Variants in MALRD1 observed in about 807,000 individuals in gnomAD.
MALRD1 encodes the protein MAM and LDL-receptor class A domain-containing protein 1.
MALRD1 carries 247 observed loss-of-function variants against 242.1 expected under a neutral mutation model. The observed-to-expected ratio is 1.02, with a 90% confidence interval of 0.92 to 1.13. MALRD1 has a LOEUF of 1.13. MALRD1 is among the 50% of genes most tolerant of loss of function. The pLI is 0.00. For missense variants in MALRD1, 2,989 were observed against 2,533.1 expected (o/e 1.18, Z -3.86); for synonymous variants, 995 against 866.6 (o/e 1.15, Z -2.60).
intron 5 of MALRD1, among the ~76,000 whole-genome samples, chr10:19,116,017 A>G (rs1396157591): frequency 6.6e-6 from 1 of 152,218 alleles, no homozygotes; most frequent in Non-Finnish European, 1.5e-5. Context: ...TGTTTAGCCT[A>G]TTTCCAGATT....
At chr10:19,373,695 A>G (rs900752436) in intron 26 of MALRD1, among the ~76,000 whole-genome samples, 1 of 152,204 alleles carries the variant, frequency 6.6e-6, no homozygotes, top group Non-Finnish European at 1.5e-5. Context: ...TATATGTGCT[A>G]TTCTTCACTT....
In MALRD1 at chr10:19,063,752, A is replaced by G. The variant is rs1338575336; in HGVS notation, c.200-2967A>G. 8.3e-4 allele frequency among the ~76,000 whole-genome samples: 111 copies of G among 133,020 alleles called. 2 individuals are homozygous for G. The highest frequency in any genetic ancestry group is 7.8e-5 in the Non-Finnish European group (5 of 64,044). 87.3% of individuals were successfully genotyped at this position (133,020 alleles called of 152,430 possible). The stretch of plus-strand genomic sequence containing the variant: ...GGTGGGAATTGAAGAATGAGAACAC[A>G]TGGACACAGGAAGGGGAACATCACA... On this transcript the variant is annotated intron_variant, in intron 1 of 39. Transcript: ENST00000454679.
intron 34 of MALRD1, among the ~76,000 whole-genome samples, chr10:19,596,111 G>A (rs956983985): frequency 3.3e-5 from 5 of 152,104 alleles, no homozygotes; most frequent in African/African-American, 1.2e-4. Context: ...TTGAGCAAAT[G>A]CATGTAAAAT....
At chr10:19,599,612 G>T (rs1461443108) in intron 34 of MALRD1, among the ~76,000 whole-genome samples, 1 of 152,124 alleles carries the variant, frequency 6.6e-6, no homozygotes, top group Non-Finnish European at 1.5e-5. Context: ...ATCCTGGCAA[G>T]AAATAGTTAT....
intron 28 of MALRD1, among the ~76,000 whole-genome samples, chr10:19,415,888 G>A (rs552067846): frequency 3.9e-5 from 6 of 152,272 alleles, no homozygotes; most frequent in Admixed American, 1.3e-4. Context: ...GTTCACACGT[G>A]AATTCCAAAT....
intron 33 of MALRD1, among the ~76,000 whole-genome samples, chr10:19,584,045 T>G (rs36143573): frequency 0.56 from 82,298 of 148,090 alleles, 23,409 homozygotes; most frequent in African/African-American, 0.69. Flanking sequence ...ATGGTAGTTT[T>G]TATATCTGTG....
intron 14 of MALRD1, among the ~76,000 whole-genome samples, chr10:19,177,196 C>T (rs1835296798): frequency 6.7e-6 from 1 of 150,076 alleles, no homozygotes; most frequent in Non-Finnish European, 1.5e-5. Flanking sequence ...AGGAGAATGG[C>T]GTGAACCGAA....
chr10:19,512,475 A>G (rs1214163034), intron 31 of MALRD1, among the ~76,000 whole-genome samples: 1 of 152,186 alleles, frequency 6.6e-6, no homozygotes, highest in Non-Finnish European at 1.5e-5. Flanking sequence ...ATCTTATTTA[A>G]CTGTTTGATG....
At chr10:19,202,638 C>T (rs1057134978) in intron 14 of MALRD1, among the ~76,000 whole-genome samples, 10 of 151,928 alleles carry the variant, frequency 6.6e-5, no homozygotes, top group Admixed American at 2.0e-4. Flanking sequence ...TGTGTCTATG[C>T]GTTTTATTGC....
intron 38 of MALRD1, among the ~76,000 whole-genome samples, chr10:19,706,525 A>G (rs1008610823): frequency 2.6e-5 from 4 of 151,760 alleles, no homozygotes; most frequent in African/African-American, 9.7e-5. Context: ...TAATTTTTGT[A>G]TTTTTAGTAG....
chr10:19,714,567 C>G (rs978145198), intron 38 of MALRD1, among the ~76,000 whole-genome samples: 1 of 152,284 alleles, frequency 6.6e-6, no homozygotes, highest in South Asian at 2.1e-4. Context: ...TGCTTGTCCT[C>G]ACCTACGTCC....
At chr10:19,600,697 C>G (rs978618491) in intron 34 of MALRD1, among the ~76,000 whole-genome samples, 1 of 152,066 alleles carries the variant, frequency 6.6e-6, no homozygotes, top group Non-Finnish European at 1.5e-5. Flanking sequence ...TTCCATGCAG[C>G]AACGATAATC....
rs1466047544 is a variant in MALRD1, at chr10:19,595,213, A to G, written c.5700A>G (p.Pro1900=). 1.3e-6 allele frequency: 2 copies of G among 1,550,158 alleles called. No homozygotes were observed. Among genetic ancestry groups the G allele is most frequent in the Admixed American group, 2.0e-5 (1 of 51,004 alleles). The change falls in exon 34 of 40, where the codon CCA becomes CCG. Residue 1900 remains proline, a synonymous_variant. Coordinates refer to ENST00000454679, the MANE Select transcript of MALRD1 (RefSeq NM_001142308.3). ...TTTTAGGTCCTGTCCCAGTGCAGCCATCACCCTGTGAAGCTGATCAGTTTT... is the reference window on the plus strand; with the variant it reads ...TTTTAGGTCCTGTCCCAGTGCAGCCGTCACCCTGTGAAGCTGATCAGTTTT... ...CVTGGPVPVQ[P]SPCEADQFSC... is the part of the protein sequence containing the mutation.
intron 18 of MALRD1, among the ~76,000 whole-genome samples, chr10:19,239,111 T>C (rs527251473): frequency 6.6e-6 from 1 of 151,434 alleles, no homozygotes; most frequent in Non-Finnish European, 1.5e-5. Flanking sequence ...CAAGCTGGAG[T>C]GCAGTGGTGC....
At chr10:19,672,411 C>CTT (rs200485712) in intron 36 of MALRD1, among the ~76,000 whole-genome samples, 5,929 of 125,400 alleles carry the variant, frequency 0.047, 436 homozygotes, top group African/African-American at 0.15. Flanking sequence ...AGATATATAG[C>CTT]TTTTTTTTTT....
chr10:19,563,040 G>A (rs1254117656), intron 32 of MALRD1, among the ~76,000 whole-genome samples: 1 of 152,194 alleles, frequency 6.6e-6, no homozygotes, highest in African/African-American at 2.4e-5. Context: ...TTTTTTTTGT[G>A]TGTGAAGACT....
At chr10:19,363,524 A>G (rs1364513108) in intron 26 of MALRD1, among the ~76,000 whole-genome samples, 1 of 152,142 alleles carries the variant, frequency 6.6e-6, no homozygotes, top group East Asian at 1.9e-4. Flanking sequence ...TTATGAGAGC[A>G]ATTTTGCACT....
In MALRD1 at chr10:19,692,867, T is replaced by TTATATATA. The variant is rs1254775928; in HGVS notation, c.6314+326_6314+333dup. ...ATATGAAATTTATATATAGATGAAA[T>TTATATATA]TATATATATATATATATATAATTTC... is the stretch of plus-strand genomic sequence containing the variant. On this transcript the variant is annotated intron_variant, in intron 38 of 39. Transcript: ENST00000454679. Among the ~76,000 whole-genome samples, 157 of 29,632 alleles carry TTATATATA rather than the reference T, an allele frequency of 5.3e-3. 2 individuals carry two copies. In the Admixed American group the frequency reaches 0.057, roughly 11 times the overall value. 19.4% of individuals were successfully genotyped at this position (29,632 alleles called of 152,430 possible). A position where few individuals can be genotyped will look rare whatever the true frequency, so the allele number is the denominator to read the frequency against.
At chr10:19,112,799 T>C (rs910313027) in intron 5 of MALRD1, among the ~76,000 whole-genome samples, 7 of 152,190 alleles carry the variant, frequency 4.6e-5, no homozygotes. Context: ...TAAGCAAATA[T>C]ATTTGCTACA....
Sources: allele counts gnomAD v4.1 joint callset (sites outside exome capture counted in the v4.1 genomes callset), GRCh38; gene constraint gnomAD v4.1.1; transcripts MANE v1.5; gene names NCBI Gene and HGNC (gene_info 2026-07-23, HGNC 2026-07-21).